CDH13: variants seen among roughly 807,000 people sequenced by gnomAD.
The protein encoded by CDH13 is cadherin 13, also known as cadherin-13.
A neutral mutation model predicts 63.8 loss-of-function variants in CDH13; 24 were observed. The observed-to-expected ratio is 0.38, with a 90% confidence interval of 0.27 to 0.53. The LOEUF is 0.53. CDH13 is among the 20% of genes least tolerant of loss of function. CDH13 has a pLI of 0.85. For synonymous variants in CDH13, 503 were observed against 355.3 expected, an observed-to-expected ratio of 1.42 and a Z score of -4.67; for missense variants, 1,049 against 903.1, an observed-to-expected ratio of 1.16 and a Z score of -2.07.
At chr16:82,782,796 G>T (rs564729580) in intron 1 of CDH13, among the ~76,000 whole-genome samples, 4 of 152,296 alleles carry the variant, frequency 2.6e-5, no homozygotes, top group Admixed American at 1.3e-4. Flanking sequence ...GAAGCTGCAG[G>T]AATCCTGACA....
chr16:83,125,417 C>A lies in CDH13; in HGVS notation c.399C>A (p.Val133=), dbSNP rs770305970. 2 of 1,608,508 alleles carry A rather than the reference C, an allele frequency of 1.2e-6. No individual in the cohort carries two copies. Among genetic ancestry groups the A allele is most frequent in the Non-Finnish European group, 1.7e-6 (2 of 1,175,206 alleles). The change falls in exon 4 of 14, where the codon GTC becomes GTA. Residue 133 remains valine (V), a synonymous_variant. Transcript: ENST00000567109. ...TTAAATTTGCAAGAACTTCTCCTGT[C>A]CCAAGACAAAAGAGGTCCATTGTGG... ...DIFKFARTSP[V]PRQKRSIVVS...
At position 83,435,233 on chromosome 16, in the gene CDH13, G is replaced by A. The variant is rs1040042042; in HGVS notation, c.782-51244G>A. Among the ~76,000 whole-genome samples, 13 of 151,910 alleles carry A rather than the reference G, an allele frequency of 8.6e-5. 1 individual carries two copies. The highest frequency in any genetic ancestry group is 4.2e-4 in the South Asian group (2 of 4,814). ...GGCTAATTGTATTTTTAGCAGAAAC[G>A]GGGTTTCGCCTTGTTGGCCAGGCTT... On this transcript the variant is annotated intron_variant, in intron 6 of 13. Coordinates refer to ENST00000567109, the MANE Select transcript of CDH13 (RefSeq NM_001257.5).
Position 83,622,421 on chromosome 16 carries a change from G to A in CDH13, c.1101+19827G>A, listed in dbSNP as rs527547681. 1.1e-4 allele frequency among the ~76,000 whole-genome samples: 17 copies of A among 152,246 alleles called. No individual in the cohort carries two copies. The South Asian group carries it at 1.7e-3, about 15-fold the overall frequency. Reference sequence around the variant, plus strand: ...AAGACCAGCCTTCATCAGGAGACTCGGACGAGAAAGTCAAAAAACCTATGT... The same window carrying A: ...AAGACCAGCCTTCATCAGGAGACTCAGACGAGAAAGTCAAAAAACCTATGT... On this transcript the variant is annotated intron_variant, in intron 8 of 13. Coordinates refer to ENST00000567109, the MANE Select transcript of CDH13 (RefSeq NM_001257.5).
intron 2 of CDH13, among the ~76,000 whole-genome samples, chr16:82,863,420 A>T (rs1355189964): frequency 1.3e-5 from 2 of 152,222 alleles, no homozygotes; most frequent in Non-Finnish European, 2.9e-5. Context: ...CCAATTGGTT[A>T]CAATACTGTG....
intron 6 of CDH13, among the ~76,000 whole-genome samples, chr16:83,399,648 A>G (rs1246489677): frequency 6.6e-6 from 1 of 152,176 alleles, no homozygotes; most frequent in Admixed American, 6.5e-5. Context: ...AGGTCATAAA[A>G]GGCCATGCAG....
chr16:83,338,201 A>AC (rs1463945036), intron 5 of CDH13, among the ~76,000 whole-genome samples: 1 of 148,804 alleles, frequency 6.7e-6, no homozygotes, highest in Non-Finnish European at 1.5e-5. Context: ...AAAAAAAAAA[A>AC]AACAAGTAAT....
intron 2 of CDH13, among the ~76,000 whole-genome samples, chr16:82,916,961 C>T (rs117272715): frequency 2.5e-3 from 382 of 152,268 alleles, no homozygotes; most frequent in Non-Finnish European, 4.1e-3. Context: ...AAAGCCTTAA[C>T]AGAGCTAGGA....
chr16:82,786,485 T>C (rs2036014090), intron 1 of CDH13, among the ~76,000 whole-genome samples: 1 of 139,190 alleles, frequency 7.2e-6, no homozygotes, highest in South Asian at 2.7e-4. Flanking sequence ...TTTTTGGTTT[T>C]TCTTCTTCTT....
At chr16:82,836,163 G>A (rs1232399858) in intron 1 of CDH13, among the ~76,000 whole-genome samples, 2 of 152,120 alleles carry the variant, frequency 1.3e-5, no homozygotes, top group East Asian at 1.9e-4. Flanking sequence ...TTTCACTCTT[G>A]TTGCCCAGAC....
chr16:82,875,865 C>G (rs2040487916), intron 2 of CDH13, among the ~76,000 whole-genome samples: 1 of 152,162 alleles, frequency 6.6e-6, no homozygotes, highest in Non-Finnish European at 1.5e-5. Flanking sequence ...ACTGCTGATA[C>G]AGACATACCC....
At chr16:83,665,804 T>C (rs1913894116) in intron 8 of CDH13, among the ~76,000 whole-genome samples, 2 of 152,240 alleles carry the variant, frequency 1.3e-5, no homozygotes, top group African/African-American at 4.8e-5. Flanking sequence ...TATTTCCATC[T>C]TCCATGTTAA....
intron 5 of CDH13, among the ~76,000 whole-genome samples, chr16:83,263,860 C>T (rs763986062): frequency 6.6e-6 from 1 of 152,100 alleles, no homozygotes; most frequent in African/African-American, 2.4e-5. Context: ...GAACATCCCA[C>T]TACTTGCCAC....
chr16:83,434,848 TGTGTGTGC>T (rs1471113556), intron 6 of CDH13, among the ~76,000 whole-genome samples: 10 of 35,428 alleles, frequency 2.8e-4, no homozygotes, highest in Admixed American at 6.2e-4. Flanking sequence ...TATATATATA[TGTGTGTGC>T]GTGTGTGTGT....
chr16:83,798,315 C>G lies in CDH13; in HGVS notation c.*3285C>G, dbSNP rs775427418. 6.6e-6 allele frequency: 1 copy of G among 152,200 alleles called. No homozygotes were observed. Among genetic ancestry groups the G allele is most frequent in the Non-Finnish European group, 1.5e-5 (1 of 68,042 alleles). The allele number at this position is 152,200 out of a possible 1,614,324, so 9.4% of individuals were successfully genotyped here. A position where few individuals can be genotyped will look rare whatever the true frequency, so the allele number is the denominator to read the frequency against. The stretch of plus-strand genomic sequence containing the variant: ...GTGCAGTTGCACCCAGGCACGAGCT[C>G]TCCAGATGATTCTGAGGAAAGGAGT... On this transcript the variant is annotated 3_prime_UTR_variant, in exon 14 of 14. Coordinates refer to ENST00000567109, the MANE Select transcript of CDH13 (RefSeq NM_001257.5).
chr16:82,952,620 T>G (rs1905455847), intron 2 of CDH13, among the ~76,000 whole-genome samples: 1 of 152,214 alleles, frequency 6.6e-6, no homozygotes, highest in Admixed American at 6.5e-5. Flanking sequence ...TGCTAGGCAA[T>G]GTGATCAATT....
intron 5 of CDH13, among the ~76,000 whole-genome samples, chr16:83,250,322 C>T (rs61628330): frequency 1.1e-4 from 16 of 152,020 alleles, no homozygotes; most frequent in South Asian, 4.2e-4. Flanking sequence ...TGCCAGCCAC[C>T]GTTCCAAGTG....
At chr16:83,496,646 A>C (rs1328314047) in intron 7 of CDH13, among the ~76,000 whole-genome samples, 18 of 152,262 alleles carry the variant, frequency 1.2e-4, no homozygotes, top group East Asian at 7.7e-4. Flanking sequence ...GCAACAAAAG[A>C]CAAAATTGAC....
At chr16:83,395,681 G>A (rs1255420580) in intron 6 of CDH13, among the ~76,000 whole-genome samples, 2 of 152,204 alleles carry the variant, frequency 1.3e-5, no homozygotes, top group Admixed American at 6.5e-5. Flanking sequence ...GCTACAGCCA[G>A]CCGGTGGTCA....
At chr16:82,745,762 A>G (rs893436196) in intron 1 of CDH13, among the ~76,000 whole-genome samples, 2 of 152,222 alleles carry the variant, frequency 1.3e-5, no homozygotes, top group Non-Finnish European at 2.9e-5. Context: ...TTGAATTAAT[A>G]AACCACAATT....
Sources: gnomAD v4.1 joint callset for allele counts (sites outside exome capture counted in the v4.1 genomes callset) on GRCh38, gnomAD v4.1.1 for gene constraint, MANE v1.5 for transcripts, NCBI Gene and HGNC (gene_info 2026-07-23, HGNC 2026-07-21) for gene names.